KCNN2: variants seen among roughly 807,000 people sequenced by gnomAD.
KCNN2 encodes the protein potassium calcium-activated channel subfamily N member 2, also known as small conductance calcium-activated potassium channel protein 2.
A neutral mutation model predicts 55.5 loss-of-function variants in KCNN2; 24 were observed. That is an observed-to-expected ratio of 0.43 (90% CI 0.31 to 0.61). The LOEUF (loss-of-function observed/expected upper bound fraction) is 0.61, where lower values mean the gene tolerates loss of function less well. KCNN2 is among the 20% of genes least tolerant of loss of function. The probability of loss-of-function intolerance (pLI) is 0.08; values close to 1 mark genes in which losing one functional copy is unlikely to be tolerated. For synonymous variants in KCNN2, 431 were observed against 336.1 expected, an observed-to-expected ratio of 1.28 and a Z score of -3.09; for missense variants, 754 against 853.6, an observed-to-expected ratio of 0.88 and a Z score of 1.45.
intron 5 of KCNN2, among the ~76,000 whole-genome samples, chr5:114,478,362 A>G (rs1196483669): frequency 6.6e-6 from 1 of 152,182 alleles, no homozygotes; most frequent in African/African-American, 2.4e-5. Context: ...AATGAATGAA[A>G]AAGAGTGAAC....
At chr5:114,153,048 T>G (rs1199537880) in intron 1 of KCNN2, among the ~76,000 whole-genome samples, 1 of 151,708 alleles carries the variant, frequency 6.6e-6, no homozygotes, top group Non-Finnish European at 1.5e-5. Flanking sequence ...ATTTGGGGAG[T>G]GAGCAGTGAG....
intron 1 of KCNN2, among the ~76,000 whole-genome samples, chr5:114,097,717 G>A (rs1021209260): frequency 2.6e-5 from 4 of 152,130 alleles, no homozygotes; most frequent in Admixed American, 1.3e-4. Flanking sequence ...CAGACTCTTT[G>A]ATTAGAACTT....
intron 2 of KCNN2, among the ~76,000 whole-genome samples, chr5:114,271,661 C>T (rs970044544): frequency 1.3e-5 from 2 of 152,158 alleles, no homozygotes; most frequent in Non-Finnish European, 2.9e-5. Context: ...TCAACAGGTT[C>T]TTCCTTTTAC....
chr5:114,135,303 C>G (rs899084401), intron 1 of KCNN2, among the ~76,000 whole-genome samples: 4 of 152,158 alleles, frequency 2.6e-5, no homozygotes, highest in African/African-American at 9.7e-5. Context: ...AACACTGTCC[C>G]TACTCCAACC....
At chr5:114,058,118 C>T (rs1453878822) in intron 1 of KCNN2, among the ~76,000 whole-genome samples, 1 of 152,176 alleles carries the variant, frequency 6.6e-6, no homozygotes, top group Non-Finnish European at 1.5e-5. Flanking sequence ...GCTTAACAGC[C>T]TGGTTTCAAT....
chr5:114,489,883 G>T (rs970950241), intron 6 of KCNN2, among the ~76,000 whole-genome samples: 4 of 152,084 alleles, frequency 2.6e-5, no homozygotes, highest in African/African-American at 7.2e-5. Context: ...AAATTCATTC[G>T]ATAGATCACT....
intron 3 of KCNN2, among the ~76,000 whole-genome samples, chr5:114,406,261 G>A (rs1382031552): frequency 6.6e-6 from 1 of 150,808 alleles, no homozygotes; most frequent in African/African-American, 2.4e-5. Flanking sequence ...AAATACAATT[G>A]CTTATGTTGC....
intron 1 of KCNN2, among the ~76,000 whole-genome samples, chr5:114,078,575 G>T (rs944247756): frequency 1.3e-5 from 2 of 152,176 alleles, no homozygotes; most frequent in Admixed American, 6.5e-5. Context: ...GGAGCAGAAG[G>T]ATAAATCAGT....
intron 2 of KCNN2, among the ~76,000 whole-genome samples, chr5:114,309,760 G>T (rs1276102158): frequency 1.3e-5 from 2 of 152,104 alleles, no homozygotes; most frequent in African/African-American, 4.8e-5. Context: ...TATGATGAAT[G>T]CCATAGTGGA....
At chr5:114,394,858 A>G (rs1377726082) in intron 2 of KCNN2, among the ~76,000 whole-genome samples, 1 of 152,138 alleles carries the variant, frequency 6.6e-6, no homozygotes, top group Non-Finnish European at 1.5e-5. Context: ...AAGTGCCAGT[A>G]CCACCTGATT....
At chr5:114,241,752 G>GTA (rs1379140007) in intron 2 of KCNN2, among the ~76,000 whole-genome samples, 7 of 2,966 alleles carry the variant, frequency 2.4e-3, no homozygotes, top group African/African-American at 7.7e-3. Context: ...GTATATATAT[G>GTA]TATATATATA....
chr5:114,281,564 T>A (rs1399698277), intron 2 of KCNN2, among the ~76,000 whole-genome samples: 1 of 145,276 alleles, frequency 6.9e-6, no homozygotes, highest in Non-Finnish European at 1.5e-5. Flanking sequence ...CTGCTTCCAT[T>A]TTCTCCTTTC....
At chr5:114,176,105 A>T (rs535182192) in intron 1 of KCNN2, among the ~76,000 whole-genome samples, 104 of 152,288 alleles carry the variant, frequency 6.8e-4, no homozygotes, top group African/African-American at 2.4e-3. Flanking sequence ...AGCACTGATG[A>T]CATTTTCAGC....
intron 1 of KCNN2, among the ~76,000 whole-genome samples, chr5:114,194,745 G>T (rs912283437): frequency 2.0e-5 from 3 of 151,902 alleles, no homozygotes; most frequent in Non-Finnish European, 4.4e-5. Context: ...TCACATCTAA[G>T]AAATCATTGC....
At chr5:114,172,382 C>G (rs1447632532) in intron 1 of KCNN2, among the ~76,000 whole-genome samples, 3 of 151,700 alleles carry the variant, frequency 2.0e-5, no homozygotes, top group Non-Finnish European at 2.9e-5. Context: ...ATATCTCCAT[C>G]CATTCCAGCC....
intron 1 of KCNN2, among the ~76,000 whole-genome samples, chr5:114,174,077 A>G (rs1262712268): frequency 6.6e-6 from 1 of 152,074 alleles, no homozygotes; most frequent in African/African-American, 2.4e-5. Flanking sequence ...GTACCTTTTT[A>G]GTTAAATATT....
chr5:114,145,706 G>A (rs116748951), intron 1 of KCNN2, among the ~76,000 whole-genome samples: 1,590 of 152,134 alleles, frequency 0.01, 31 homozygotes, highest in African/African-American at 0.037. Context: ...TGATAGGAGC[G>A]TCCATCCATA....
chr5:114,208,219 A>C (rs951103624), intron 1 of KCNN2, among the ~76,000 whole-genome samples: 15 of 152,192 alleles, frequency 9.9e-5, no homozygotes, highest in Non-Finnish European at 2.1e-4. Context: ...TTCTAACTTC[A>C]TTTGGATCCT....
intron 2 of KCNN2, among the ~76,000 whole-genome samples, chr5:114,229,759 CTAA>C (rs1352577285): frequency 1.4e-5 from 2 of 147,844 alleles, no homozygotes; most frequent in African/African-American, 5.0e-5. Context: ...TGTTGTGGTA[CTAA>C]TAAGAAAAAC....
Sources: gnomAD v4.1 joint callset for allele counts (sites outside exome capture counted in the v4.1 genomes callset) on GRCh38, gnomAD v4.1.1 for gene constraint, MANE v1.5 for transcripts, NCBI Gene and HGNC (gene_info 2026-07-23, HGNC 2026-07-21) for gene names.